Variants in PTK2 observed in about 807,000 individuals in gnomAD.
PTK2 encodes focal adhesion kinase 1.
PTK2 carries 45 observed loss-of-function variants against 150.1 expected under a neutral mutation model. The ratio of observed to expected loss-of-function variants is 0.30; its 90% confidence interval spans 0.24 to 0.38. PTK2 has a LOEUF of 0.38. PTK2 is among the 10% of genes least tolerant of loss of function. The probability of loss-of-function intolerance (pLI) is 1.00; values close to 1 mark genes in which losing one functional copy is unlikely to be tolerated. For missense variants in PTK2, 919 were observed against 1,307.3 expected (o/e 0.70, Z 4.58); for synonymous variants, 432 against 449.2 (o/e 0.96, Z 0.48).
chr8:140,864,661 T>C (rs1483293209), intron 4 of PTK2, among the ~76,000 whole-genome samples: 1 of 152,164 alleles, frequency 6.6e-6, no homozygotes, highest in African/African-American at 2.4e-5. Flanking sequence ...AACCCATGGG[T>C]CATTCTCCAC....
chr8:140,817,295 G>A (rs2100105303), intron 10 of PTK2, among the ~76,000 whole-genome samples: 1 of 152,170 alleles, frequency 6.6e-6, no homozygotes, highest in Non-Finnish European at 1.5e-5. Flanking sequence ...GAATGGTAGA[G>A]GCAGGAGCTG....
intron 4 of PTK2, among the ~76,000 whole-genome samples, chr8:140,874,265 A>G (rs2100144293): frequency 2.0e-5 from 3 of 152,356 alleles, no homozygotes; most frequent in African/African-American, 7.2e-5. Context: ...CCAAGTGAAC[A>G]AGTCTGTATT....
At chr8:140,684,812 C>T (rs2100018916) in intron 27 of PTK2, among the ~76,000 whole-genome samples, 1 of 152,164 alleles carries the variant, frequency 6.6e-6, no homozygotes, top group Admixed American at 6.5e-5. Context: ...GCCCAATGGT[C>T]ATACCGCCCA....
chr8:140,817,518 C>T (rs1240671367), intron 10 of PTK2, among the ~76,000 whole-genome samples: 1 of 152,172 alleles, frequency 6.6e-6, no homozygotes, highest in African/African-American at 2.4e-5. Context: ...TCCCTGAACA[C>T]TCATCTAAAT....
intron 1 of PTK2, among the ~76,000 whole-genome samples, chr8:140,963,040 C>T (rs1312075081): frequency 6.6e-6 from 1 of 152,064 alleles, no homozygotes; most frequent in Non-Finnish European, 1.5e-5. Flanking sequence ...TTTACAAAAG[C>T]AGATTTGGCC....
intron 14 of PTK2, among the ~76,000 whole-genome samples, chr8:140,773,428 A>C (rs992170321): frequency 1.3e-5 from 2 of 152,198 alleles, no homozygotes; most frequent in South Asian, 4.1e-4. Flanking sequence ...CTAGGGAAAA[A>C]CCAGCAGAAG....
chr8:140,813,031 C>T (rs776149634), intron 10 of PTK2, among the ~76,000 whole-genome samples: 2 of 152,126 alleles, frequency 1.3e-5, no homozygotes, highest in Non-Finnish European at 2.9e-5. Flanking sequence ...ATCAAATGGA[C>T]CTGACAGACA....
chr8:140,955,330 T>C (rs1341673424), intron 1 of PTK2, among the ~76,000 whole-genome samples: 2 of 152,132 alleles, frequency 1.3e-5, no homozygotes, highest in Non-Finnish European at 2.9e-5. Context: ...GGGTTTTATA[T>C]AGGGGAGTTC....
rs535141838 is a variant in PTK2, at chr8:140,965,832, G to A, written c.-122+35293C>T. 2.5e-3 allele frequency among the ~76,000 whole-genome samples: 378 copies of A among 152,252 alleles called. 4 individuals carry two copies. Among genetic ancestry groups the A allele is most frequent in the African/African-American group, 7.7e-3 (320 of 41,552 alleles). On this transcript the variant is annotated intron_variant, in intron 1 of 31. Transcript: ENST00000522684. Reference sequence around the variant, plus strand: ...GAAGGGGTTGCAGTGAGCCAAGAACGCGCCACTGCACTCCAGCCTGGGTGA... The same window carrying A: ...GAAGGGGTTGCAGTGAGCCAAGAACACGCCACTGCACTCCAGCCTGGGTGA...
At chr8:140,928,240 T>C (rs1289182071) in intron 1 of PTK2, among the ~76,000 whole-genome samples, 3 of 151,980 alleles carry the variant, frequency 2.0e-5, no homozygotes, top group Admixed American at 6.6e-5. Flanking sequence ...ATTTGTATCA[T>C]TAAAAAATGT....
intron 1 of PTK2, among the ~76,000 whole-genome samples, chr8:140,967,020 T>C (rs1159492241): frequency 1.3e-5 from 2 of 152,214 alleles, no homozygotes; most frequent in East Asian, 1.9e-4. Flanking sequence ...ATCATAACAA[T>C]AGCAGCTTCA....
At chr8:140,669,497 G>A in intron 29 of PTK2, 2 of 508,316 alleles carry the variant, frequency 3.9e-6, no homozygotes, top group Non-Finnish European at 3.4e-6. Flanking sequence ...CAAAAGTCTG[G>A]GTATGAGATA....
intron 22 of PTK2, among the ~76,000 whole-genome samples, chr8:140,732,352 T>C (rs2100049932): frequency 6.6e-6 from 1 of 152,226 alleles, no homozygotes; most frequent in African/African-American, 2.4e-5. Flanking sequence ...TATAAGAAGA[T>C]ATCCATAAAT....
intron 1 of PTK2, among the ~76,000 whole-genome samples, chr8:140,988,044 CAAAAAA>C (rs71310813): frequency 9.9e-6 from 1 of 101,458 alleles, no homozygotes; most frequent in Non-Finnish European, 1.9e-5. Flanking sequence ...GACCCTGTCT[CAAAAAA>C]AAAAAAAAAA....
intron 22 of PTK2, among the ~76,000 whole-genome samples, chr8:140,734,434 T>A (rs1159549585): frequency 6.6e-6 from 1 of 152,196 alleles, no homozygotes; most frequent in Non-Finnish European, 1.5e-5. Context: ...GGTTCTAAGC[T>A]TGGCATTGGG....
intron 10 of PTK2, among the ~76,000 whole-genome samples, chr8:140,805,605 C>CAA (rs375563865): frequency 2.8e-5 from 4 of 144,382 alleles, no homozygotes; most frequent in African/African-American, 1.0e-4. Context: ...ATTCCTGAGC[C>CAA]AAAAAAAAAA....
chr8:140,932,323 T>C (rs1302972564), intron 1 of PTK2, among the ~76,000 whole-genome samples: 4 of 152,180 alleles, frequency 2.6e-5, no homozygotes, highest in African/African-American at 9.6e-5. Flanking sequence ...CAAGCAATTC[T>C]CATGTCTCAG....
At chr8:140,874,804 C>T (rs1168429689) in intron 4 of PTK2, among the ~76,000 whole-genome samples, 1 of 152,106 alleles carries the variant, frequency 6.6e-6, no homozygotes, top group African/African-American at 2.4e-5. Flanking sequence ...TGTTTGGTTC[C>T]TAGCTGAAAA....
At chr8:140,852,989 G>A (rs1248502680) in intron 5 of PTK2, among the ~76,000 whole-genome samples, 1 of 152,152 alleles carries the variant, frequency 6.6e-6, no homozygotes, top group African/African-American at 2.4e-5. Flanking sequence ...GAAAAAACTG[G>A]CCACCAATTT....
Sources: gnomAD v4.1 joint callset for allele counts (sites outside exome capture counted in the v4.1 genomes callset) on GRCh38, gnomAD v4.1.1 for gene constraint, MANE v1.5 for transcripts, NCBI Gene and HGNC (gene_info 2026-07-23, HGNC 2026-07-21) for gene names.